The following RGS7 variants were observed in gnomAD, a reference collection of about 807,000 sequenced individuals.
RGS7 encodes the protein regulator of G-protein signaling 7.
A neutral mutation model predicts 81.1 loss-of-function variants in RGS7; 27 were observed. That is an observed-to-expected ratio of 0.33 (90% CI 0.25 to 0.46). The LOEUF is 0.46. Ranked by LOEUF, RGS7 falls within the 20% of genes least tolerant of loss-of-function variation. The pLI is 1.00. For synonymous variants in RGS7, 208 were observed against 207.7 expected, an observed-to-expected ratio of 1.00 and a Z score of -0.01; for missense variants, 396 against 607.4, an observed-to-expected ratio of 0.65 and a Z score of 3.66.
chr1:241,057,470 TC>T (rs1184861052), intron 3 of RGS7, among the ~76,000 whole-genome samples: 1 of 152,218 alleles, frequency 6.6e-6, no homozygotes, highest in Non-Finnish European at 1.5e-5. Flanking sequence ...CTATTATTTC[TC>T]CTATTTTACA....
intron 4 of RGS7, among the ~76,000 whole-genome samples, chr1:240,970,081 A>G (rs1265420738): frequency 6.6e-6 from 1 of 152,170 alleles, no homozygotes; most frequent in Non-Finnish European, 1.5e-5. Context: ...CCCCCTTCCT[A>G]CTTACAAGAA....
intron 6 of RGS7, among the ~76,000 whole-genome samples, chr1:240,914,264 A>G (rs1672237959): frequency 6.6e-6 from 1 of 152,192 alleles, no homozygotes; most frequent in African/African-American, 2.4e-5. Context: ...GAAAATGTAT[A>G]AAGTTTAAAA....
intron 2 of RGS7, among the ~76,000 whole-genome samples, chr1:241,128,965 T>C (rs1019451411): frequency 2.6e-5 from 4 of 152,136 alleles, no homozygotes; most frequent in African/African-American, 7.2e-5. Context: ...GATTATTATA[T>C]TGATATCCCT....
intron 2 of RGS7, among the ~76,000 whole-genome samples, chr1:241,189,884 G>A (rs1378397473): frequency 6.6e-6 from 1 of 152,126 alleles, no homozygotes; most frequent in Non-Finnish European, 1.5e-5. Flanking sequence ...GGGAGGCCAA[G>A]GCGGGCGGAT....
chr1:240,844,231 T>G (rs9661388), intron 9 of RGS7, among the ~76,000 whole-genome samples: 1 of 151,896 alleles, frequency 6.6e-6, no homozygotes, highest in East Asian at 1.9e-4. Flanking sequence ...ATAGTAGGAA[T>G]GGCCCAAGAG....
intron 3 of RGS7, among the ~76,000 whole-genome samples, chr1:240,997,537 T>C (rs1003243980): frequency 1.3e-5 from 2 of 152,144 alleles, no homozygotes; most frequent in African/African-American, 4.8e-5. Flanking sequence ...TCAAAAAAAT[T>C]CAGAAGGATG....
At chr1:241,007,888 G>GGC (rs1474453411) in intron 3 of RGS7, among the ~76,000 whole-genome samples, 4 of 152,184 alleles carry the variant, frequency 2.6e-5, no homozygotes, top group African/African-American at 9.7e-5. Context: ...CAACTGTGCG[G>GGC]GCACATGCGC....
intron 6 of RGS7, among the ~76,000 whole-genome samples, chr1:240,883,082 T>C (rs1666701921): frequency 6.6e-6 from 1 of 151,884 alleles, no homozygotes. Context: ...CATCATTTTT[T>C]ATGGCTGCAT....
chr1:241,032,730 T>A (rs548768188), intron 3 of RGS7, among the ~76,000 whole-genome samples: 97 of 152,340 alleles, frequency 6.4e-4, no homozygotes, highest in Non-Finnish European at 1.1e-3. Flanking sequence ...CTATTTATTT[T>A]ATTTTGTAGT....
In RGS7 at chr1:240,833,653, G is replaced by A. The variant is rs143740309; in HGVS notation, c.610-6481C>T. ...AGTAAATTAATGAAAAAGAGTCACC[G>A]CTTTGTAATACAGTACAAGTTATAA... On this transcript the variant is annotated intron_variant, in intron 9 of 18. Coordinates refer to ENST00000440928, the MANE Select transcript of RGS7 (RefSeq NM_001364886.1). Among the ~76,000 whole-genome samples the A allele has an allele frequency of 1.6e-4, 25 of 152,246 alleles. No individual in the cohort carries two copies. In the East Asian group the frequency reaches 2.5e-3, roughly 15 times the overall value.
rs1192154519 is a variant in RGS7, at chr1:241,271,988, T to G, written c.78+83711A>C. Among the ~76,000 whole-genome samples, 2 of 141,956 alleles carry G rather than the reference T, an allele frequency of 1.4e-5. No homozygotes were observed. The highest frequency in any genetic ancestry group is 1.4e-4 in the Admixed American group (2 of 13,934). The allele number at this position is 141,956 out of a possible 152,430, so 93.1% of individuals were successfully genotyped here. On this transcript the variant is annotated intron_variant, in intron 2 of 18. Coordinates refer to ENST00000440928, the MANE Select transcript of RGS7 (RefSeq NM_001364886.1). This position sits in a 1 kb window ranked among gnomAD's most constrained non-coding sequence, Gnocchi z 4.6. The stretch of plus-strand genomic sequence containing the variant: ...AACCCTGACTACTAGAATTTCTTTT[T>G]TTTTTTTTTTATTTTTATTTTTTGA...
At chr1:241,136,767 A>C in intron 2 of RGS7, among the ~76,000 whole-genome samples, 1 of 152,086 alleles carries the variant, frequency 6.6e-6, no homozygotes, top group East Asian at 1.9e-4. Flanking sequence ...TTCACATGTA[A>C]AAAAAATTAC....
chr1:241,278,511 T>G (rs1345390772), intron 2 of RGS7, among the ~76,000 whole-genome samples: 1 of 152,212 alleles, frequency 6.6e-6, no homozygotes, highest in Non-Finnish European at 1.5e-5. Context: ...TTGTTGTTAG[T>G]GAGGTTCTTT....
intron 3 of RGS7, among the ~76,000 whole-genome samples, chr1:241,097,580 T>C (rs2064361878): frequency 1.3e-5 from 2 of 152,080 alleles, no homozygotes; most frequent in South Asian, 2.1e-4. Flanking sequence ...AGGAATCCCA[T>C]GAAGCACCCT....
intron 3 of RGS7, chr1:240,998,924 T>C (rs540697172): frequency 2.8e-6 from 1 of 358,058 alleles, no homozygotes; most frequent in South Asian, 2.4e-5. Flanking sequence ...ATAACTCCAA[T>C]GGCACCAATG....
At chr1:240,970,550 G>A (rs1471190364) in intron 4 of RGS7, among the ~76,000 whole-genome samples, 1 of 152,224 alleles carries the variant, frequency 6.6e-6, no homozygotes, top group African/African-American at 2.4e-5. Flanking sequence ...GGTTGGATGT[G>A]ACGGGACTGC....
chr1:240,920,270 TG>T, intron 6 of RGS7: 1 of 1,289,422 alleles, frequency 7.8e-7, no homozygotes, highest in Non-Finnish European at 1.1e-6. Flanking sequence ...GTGATCGTGG[TG>T]GTGGTTTTGG....
intron 6 of RGS7, among the ~76,000 whole-genome samples, 153 bp downstream of exon 6, chr1:240,930,564 A>G (rs1675265309): frequency 6.6e-6 from 1 of 152,170 alleles, no homozygotes; most frequent in African/African-American, 2.4e-5. Context: ...GACTTTCCAA[A>G]CAAAGCCGCT....
At chr1:241,073,187 A>G (rs1332052209) in intron 3 of RGS7, among the ~76,000 whole-genome samples, 1 of 152,048 alleles carries the variant, frequency 6.6e-6, no homozygotes, top group East Asian at 1.9e-4. Context: ...AAAAAACCCC[A>G]CATCTTTCAT....
Sources: gnomAD v4.1 joint callset for allele counts (sites outside exome capture counted in the v4.1 genomes callset) on GRCh38, gnomAD v4.1.1 for gene constraint, Gnocchi (gnomAD v3.1) non-coding constraint, MANE v1.5 for transcripts, NCBI Gene and HGNC (gene_info 2026-07-23, HGNC 2026-07-21) for gene names.